NUBPL: variants seen among roughly 807,000 people sequenced by gnomAD.
The protein encoded by NUBPL is NUBP iron-sulfur cluster assembly factor, mitochondrial, also known as iron-sulfur cluster transfer protein NUBPL.
NUBPL carries 31 observed loss-of-function variants against 45.7 expected under a neutral mutation model. That is an observed-to-expected ratio of 0.68 (90% CI 0.51 to 0.92). The LOEUF is 0.92. NUBPL is among the 40% of genes least tolerant of loss of function. The pLI, the probability that NUBPL is intolerant of heterozygous loss-of-function variation, is 0.00. For synonymous variants in NUBPL, 144 were observed against 140.9 expected (o/e 1.02, Z -0.15); for missense variants, 401 against 398.7 (o/e 1.01, Z -0.05).
chr14:31,682,118 G>A (rs1264458100), intron 6 of NUBPL, among the ~76,000 whole-genome samples: 1 of 152,042 alleles, frequency 6.6e-6, no homozygotes, highest in Non-Finnish European at 1.5e-5. Context: ...TAATGAGAGA[G>A]GAGTGTTAAC....
At position 31,860,823 on chromosome 14, in the gene NUBPL, A is replaced by G. The variant is rs1595719294; in HGVS notation, c.*1643A>G. 1.3e-5 allele frequency: 2 copies of G among 152,232 alleles called. No homozygotes were observed. The highest frequency in any genetic ancestry group is 4.1e-4 in the South Asian group (2 of 4,836). 9.4% of individuals were successfully genotyped at this position (152,232 alleles called of 1,614,324 possible). The stretch of plus-strand genomic sequence containing the variant: ...ACTCAGCAATAAAAAAGAACAAACT[A>G]TGGGTACAGGCAGCAACTTATAATT... On this transcript the variant is annotated 3_prime_UTR_variant, in exon 11 of 11. Transcript: ENST00000281081.
In NUBPL at chr14:31,798,079, T is replaced by A. The variant is rs546448622; in HGVS notation, c.607+10206T>A. Among the ~76,000 whole-genome samples, 693 of 149,354 alleles carry A rather than the reference T, an allele frequency of 4.6e-3. 16 individuals carry two copies. The highest frequency in any genetic ancestry group is 0.017 in the African/African-American group (665 of 38,966). On this transcript the variant is annotated intron_variant, in intron 7 of 10. Coordinates refer to ENST00000281081, the MANE Select transcript of NUBPL (RefSeq NM_025152.3). ...ATATTGGCCCCCACTCTCTTCTGGCTTGTAGGGTTTCTGCCGAGAGATCCG... is the reference window on the plus strand; with the variant it reads ...ATATTGGCCCCCACTCTCTTCTGGCATGTAGGGTTTCTGCCGAGAGATCCG...
intron 4 of NUBPL, among the ~76,000 whole-genome samples, chr14:31,648,534 C>T (rs1010768769): frequency 1.3e-5 from 2 of 152,084 alleles, no homozygotes; most frequent in African/African-American, 2.4e-5. Flanking sequence ...GTTTTATAGT[C>T]GTGGTGATAT....
intron 7 of NUBPL, among the ~76,000 whole-genome samples, chr14:31,792,620 C>CCTA (rs2039403247): frequency 6.6e-6 from 1 of 151,940 alleles, no homozygotes. Context: ...GACTAGATTT[C>CCTA]CTACACTGAA....
chr14:31,634,798 G>A (rs958150490), intron 4 of NUBPL, among the ~76,000 whole-genome samples: 2 of 150,632 alleles, frequency 1.3e-5, no homozygotes, highest in South Asian at 2.1e-4. Context: ...GTGTGAGATG[G>A]TATCTCATTG....
At chr14:31,850,715 T>G (rs909925884) in intron 10 of NUBPL, among the ~76,000 whole-genome samples, 1 of 152,112 alleles carries the variant, frequency 6.6e-6, no homozygotes, top group Non-Finnish European at 1.5e-5. Flanking sequence ...TGACTTCCCA[T>G]GCTCAAGCAA....
chr14:31,809,583 A>AT (rs1312138433), intron 7 of NUBPL, among the ~76,000 whole-genome samples: 5 of 151,928 alleles, frequency 3.3e-5, no homozygotes, highest in Admixed American at 2.0e-4. Flanking sequence ...GGATTCATTG[A>AT]TTTTTTGAAG....
chr14:31,786,562 T>C (rs957674766), intron 6 of NUBPL, among the ~76,000 whole-genome samples: 2 of 152,234 alleles, frequency 1.3e-5, no homozygotes, highest in African/African-American at 4.8e-5. Flanking sequence ...TCTCTGTCTC[T>C]GTATTGTAAC....
At chr14:31,699,360 G>C (rs944160988) in intron 6 of NUBPL, among the ~76,000 whole-genome samples, 1 of 152,164 alleles carries the variant, frequency 6.6e-6, no homozygotes, top group Non-Finnish European at 1.5e-5. Context: ...ACTAAAAGTA[G>C]CTACCTATTA....
chr14:31,790,647 C>T (rs1315616271), intron 7 of NUBPL, among the ~76,000 whole-genome samples: 3 of 151,324 alleles, frequency 2.0e-5, no homozygotes, highest in African/African-American at 4.9e-5. Flanking sequence ...GTCAGGAGAT[C>T]GAGACCATCC....
At chr14:31,841,602 T>C (rs1409608089) in intron 8 of NUBPL, among the ~76,000 whole-genome samples, 3 of 152,188 alleles carry the variant, frequency 2.0e-5, no homozygotes, top group Non-Finnish European at 2.9e-5. Context: ...TTGAATCATA[T>C]CTTTTGATTA....
intron 4 of NUBPL, among the ~76,000 whole-genome samples, chr14:31,659,118 A>G (rs1241466984): frequency 6.6e-6 from 1 of 152,184 alleles, no homozygotes; most frequent in Non-Finnish European, 1.5e-5. Flanking sequence ...TAAAATGGAG[A>G]TATTACTTGC....
chr14:31,729,888 G>C (rs1346381547), intron 6 of NUBPL, among the ~76,000 whole-genome samples: 3 of 152,002 alleles, frequency 2.0e-5, no homozygotes, highest in Admixed American at 1.3e-4. Context: ...GTTGAATTTT[G>C]AATAATAACA....
intron 6 of NUBPL, among the ~76,000 whole-genome samples, chr14:31,734,714 G>A (rs991685370): frequency 1.3e-5 from 2 of 151,334 alleles, no homozygotes; most frequent in African/African-American, 4.9e-5. Context: ...ACATAAATAA[G>A]TAAATAAATA....
At chr14:31,836,130 C>T (rs1222726334) in intron 8 of NUBPL, among the ~76,000 whole-genome samples, 1 of 152,068 alleles carries the variant, frequency 6.6e-6, no homozygotes, top group Non-Finnish European at 1.5e-5. Flanking sequence ...ATATTCAGAG[C>T]GATGTTCATA....
At chr14:31,600,497 G>A (rs1184499328) in intron 4 of NUBPL, among the ~76,000 whole-genome samples, 2 of 152,190 alleles carry the variant, frequency 1.3e-5, no homozygotes, top group East Asian at 3.9e-4. Context: ...GACCTGGGGA[G>A]AACATGCAAA....
At chr14:31,747,199 G>A (rs539261565) in intron 6 of NUBPL, among the ~76,000 whole-genome samples, 17 of 145,106 alleles carry the variant, frequency 1.2e-4, no homozygotes, top group South Asian at 4.3e-4. Context: ...GCAGTGGCAC[G>A]ATCTTGGCTT....
At chr14:31,735,872 T>C (rs1305138784) in intron 6 of NUBPL, among the ~76,000 whole-genome samples, 2 of 152,134 alleles carry the variant, frequency 1.3e-5, no homozygotes, top group African/African-American at 4.8e-5. Flanking sequence ...AGAGTGAATA[T>C]AAATTCATAA....
chr14:31,648,372 C>T (rs1438500527), intron 4 of NUBPL, among the ~76,000 whole-genome samples: 1 of 152,204 alleles, frequency 6.6e-6, no homozygotes, highest in Non-Finnish European at 1.5e-5. Flanking sequence ...TCAGGTAGAA[C>T]TCTCCTGGAA....
Sources: gnomAD v4.1 joint callset for allele counts (sites outside exome capture counted in the v4.1 genomes callset) on GRCh38, gnomAD v4.1.1 for gene constraint, MANE v1.5 for transcripts, NCBI Gene and HGNC (gene_info 2026-07-23, HGNC 2026-07-21) for gene names.